The following POGLUT3 variants were observed in gnomAD, a reference collection of about 807,000 sequenced individuals.
POGLUT3 encodes KDEL (Lys-Asp-Glu-Leu) containing 2.
Under a neutral mutation model 54.3 loss-of-function variants are expected in POGLUT3, and 48 were observed. The observed-to-expected ratio is 0.88, with a 90% CI of 0.70 to 1.12. The LOEUF is 1.12. Among genes scored for constraint, POGLUT3 ranks in the 50% most tolerant of loss-of-function variants. The pLI is 0.00. For synonymous variants in POGLUT3, 218 were observed against 237.4 expected, an observed-to-expected ratio of 0.92 and a Z score of 0.75; for missense variants, 629 against 618.7, an observed-to-expected ratio of 1.02 and a Z score of -0.18.
intron 1 of POGLUT3, among the ~76,000 whole-genome samples, chr11:108,493,548 G>A (rs1363397621): frequency 6.6e-6 from 1 of 152,200 alleles, no homozygotes; most frequent in Admixed American, 6.5e-5. Flanking sequence ...GCTCACGCCT[G>A]TAATCCGAGC....
chr11:108,483,575 A>G (rs1413351000), intron 3 of POGLUT3, among the ~76,000 whole-genome samples: 2 of 152,178 alleles, frequency 1.3e-5, no homozygotes, highest in African/African-American at 4.8e-5. Flanking sequence ...AGTCTCACTT[A>G]TCTTAGATTT....
At position 108,479,431 on chromosome 11, in the gene POGLUT3, C is replaced by T; in HGVS notation, c.1163G>A (p.Gly388Asp). The change falls in exon 6 of 8, where the codon GGC (glycine) becomes GAC (aspartate). Residue 388 changes from glycine (G) to aspartate (D), a missense_variant. Physicochemically the swap from Gly to Asp is moderately conservative, Grantham distance 94. Transcript: ENST00000323468. ...AAYRYPYLML[G>D]DSLVLKQDSP... ...GTCCTGCTTTAAAACCAGACTGTCG[C>T]CCAGCATGAGATATGGATATCTGTA... 3 of 1,613,400 alleles carry T rather than the reference C, an allele frequency of 1.9e-6. No individual in the cohort carries two copies. In the East Asian group the frequency reaches 6.7e-5, roughly 36 times the overall value.
At chr11:108,488,947 G>A (rs992742673) in intron 2 of POGLUT3, among the ~76,000 whole-genome samples, 7 of 152,128 alleles carry the variant, frequency 4.6e-5, no homozygotes, top group Admixed American at 2.6e-4. Context: ...CCTCAGTAGC[G>A]GGGAATAATT....
At chr11:108,486,952 C>G (rs997167238) in intron 2 of POGLUT3, 1 of 154,040 alleles carries the variant, frequency 6.5e-6, no homozygotes, top group Non-Finnish European at 1.4e-5. Flanking sequence ...CCTAGCTGAC[C>G]AGCATTAACA....
At chr11:108,491,338 G>T in intron 1 of POGLUT3, 171 bp from the exon 2 acceptor site, 1 of 611,156 alleles carries the variant, frequency 1.6e-6, no homozygotes, top group South Asian at 2.1e-5. Context: ...GTCATGTCTG[G>T]TTCATGCATT....
In POGLUT3 at chr11:108,481,296, G is replaced by T. The variant is rs1170345320; in HGVS notation, c.982C>A (p.Leu328Met). ...AGTAGCTGAGGATTTTCTTTGGACA[G>T]CTGTACCAACTGGAGCCTCTCCTCT... ...SREERLQLVQ[L>M]SKENPQLLDA... Residue 328 changes from leucine to methionine, a missense_variant, in exon 5 of 8, where the codon CTG (leucine) becomes ATG (methionine). By Grantham distance (15) the Leu-to-Met change is conservative. Transcript: ENST00000323468. The T allele has an allele frequency of 4.3e-6, 7 of 1,612,918 alleles. No homozygotes were observed. Among genetic ancestry groups the T allele is most frequent in the Non-Finnish European group, 5.9e-6 (7 of 1,179,450 alleles).
At chr11:108,485,162 G>A (rs989171058) in intron 3 of POGLUT3, among the ~76,000 whole-genome samples, 1 of 152,030 alleles carries the variant, frequency 6.6e-6, no homozygotes, top group African/African-American at 2.4e-5. Flanking sequence ...AAAACAACCT[G>A]TTTCTGGTAG....
chr11:108,491,828 C>T (rs578091085), intron 1 of POGLUT3, among the ~76,000 whole-genome samples: 3 of 152,328 alleles, frequency 2.0e-5, no homozygotes, highest in South Asian at 4.1e-4. Flanking sequence ...GGTCTTTCCT[C>T]CTTTGGGTAG....
intron 1 of POGLUT3, 55 bp downstream of exon 1, chr11:108,498,109 CG>C: frequency 7.0e-7 from 1 of 1,419,548 alleles, no homozygotes; most frequent in Non-Finnish European, 9.3e-7. Flanking sequence ...TCCCGGGCGG[CG>C]GGGACGCGCG....
At position 108,473,764 on chromosome 11, in the gene POGLUT3, ATACC is replaced by A. The variant is rs1242242044; in HGVS notation, c.*1059_*1062del. ...AGAGATAATGAATGATGCCTATAGCATACCTTCATCTATGTTAATAACTGTATTG... is the reference window on the plus strand; with the variant it reads ...AGAGATAATGAATGATGCCTATAGCATTCATCTATGTTAATAACTGTATTG... On this transcript the variant is annotated 3_prime_UTR_variant, in exon 8 of 8. Coordinates refer to ENST00000323468, the MANE Select transcript of POGLUT3 (RefSeq NM_153705.5). 1 of 152,232 alleles carries A rather than the reference ATACC, an allele frequency of 6.6e-6. No homozygotes were observed. Among genetic ancestry groups the A allele is most frequent in the African/African-American group, 2.4e-5 (1 of 41,468 alleles). 9.4% of individuals were successfully genotyped at this position (152,232 alleles called of 1,614,324 possible). A position where few individuals can be genotyped will look rare whatever the true frequency, so the allele number is the denominator to read the frequency against.
At position 108,474,788 on chromosome 11, in the gene POGLUT3, G is replaced by A. The variant is rs201942465; in HGVS notation, c.*39C>T. The A allele has an allele frequency of 4.3e-6, 7 of 1,611,372 alleles. No homozygotes were observed. The East Asian group carries it at 1.3e-4, about 31-fold the overall frequency. On this transcript the variant is annotated 3_prime_UTR_variant, in exon 8 of 8. Coordinates refer to ENST00000323468, the MANE Select transcript of POGLUT3 (RefSeq NM_153705.5). ...AGCTTAGATTCAATCTTTCCTTAAA[G>A]TGTAGCCGGGATACACAGGAGTGTG...
rs774832914 is a variant in POGLUT3, at chr11:108,486,297, C to A, written c.544G>T (p.Val182Phe). 20 of 1,614,132 alleles carry A rather than the reference C, an allele frequency of 1.2e-5. No individual in the cohort carries two copies. The Admixed American group carries it at 3.2e-4, about 26-fold the overall frequency. The change falls in exon 3 of 8, where the codon GTC becomes TTC. Residue 182 changes from valine to phenylalanine, a missense_variant. By Grantham distance (50) the Val-to-Phe change is conservative. Coordinates refer to ENST00000323468, the MANE Select transcript of POGLUT3 (RefSeq NM_153705.5). ...CTCTCATCCCCAAACCTTTTGGGGA[C>A]TTCTTTTAGCATTTGCTGGAGATTG... ...SINLQQMLKE[V>F]PKRFGDERGA...
intron 5 of POGLUT3, among the ~76,000 whole-genome samples, chr11:108,480,449 C>G (rs1233017072): frequency 6.6e-6 from 1 of 152,194 alleles, no homozygotes; most frequent in Non-Finnish European, 1.5e-5. Flanking sequence ...TTAACCCCTT[C>G]TTTTTGTTTT....
chr11:108,490,406 G>A (rs1247115045), intron 2 of POGLUT3, among the ~76,000 whole-genome samples: 1 of 151,962 alleles, frequency 6.6e-6, no homozygotes, highest in African/African-American at 2.4e-5. Context: ...TCACCATGTT[G>A]CCCAGGCTGG....
intron 5 of POGLUT3, among the ~76,000 whole-genome samples, chr11:108,480,895 CAA>C (rs146910035): frequency 2.3e-5 from 3 of 130,554 alleles, no homozygotes; most frequent in Admixed American, 1.5e-4. Context: ...AAAGCAAATA[CAA>C]AAAAAAAAAA....
chr11:108,493,746 G>C (rs2093617099), intron 1 of POGLUT3, among the ~76,000 whole-genome samples: 1 of 148,056 alleles, frequency 6.8e-6, no homozygotes, highest in African/African-American at 2.5e-5. Flanking sequence ...GGAGGTTGCA[G>C]TGAGCCGAGA....
At chr11:108,485,718 C>T (rs754508170) in intron 3 of POGLUT3, among the ~76,000 whole-genome samples, 3 of 151,496 alleles carry the variant, frequency 2.0e-5, no homozygotes, top group East Asian at 1.9e-4. Context: ...AGTGCAGTGG[C>T]GCAATCTTGG....
chr11:108,493,701 G>A (rs1002894089), intron 1 of POGLUT3, among the ~76,000 whole-genome samples: 1 of 151,324 alleles, frequency 6.6e-6, no homozygotes, highest in Admixed American at 6.6e-5. Context: ...CTACTCAGGA[G>A]GCTGAGGCAG....
Position 108,473,529 on chromosome 11 carries a change from C to T in POGLUT3, c.*1298G>A, listed in dbSNP as rs1159269657. The T allele has an allele frequency of 6.6e-6, 1 of 152,206 alleles. No homozygotes were observed. Among genetic ancestry groups the T allele is most frequent in the Non-Finnish European group, 1.5e-5 (1 of 68,052 alleles). The allele number at this position is 152,206 out of a possible 1,614,324, so 9.4% of individuals were successfully genotyped here. A position where few individuals can be genotyped will look rare whatever the true frequency, so the allele number is the denominator to read the frequency against. On this transcript the variant is annotated 3_prime_UTR_variant, in exon 8 of 8. Coordinates refer to ENST00000323468, the MANE Select transcript of POGLUT3 (RefSeq NM_153705.5). ...GAAAGGAAATTTCCAAAGTCTTCAT[C>T]GTAGCAACGACACCCACTGAAATAG...
Sources: gnomAD v4.1 joint callset for allele counts (sites outside exome capture counted in the v4.1 genomes callset) on GRCh38, gnomAD v4.1.1 for gene constraint, MANE v1.5 for transcripts, NCBI Gene and HGNC (gene_info 2026-07-23, HGNC 2026-07-21) for gene names.